YIPF5: variants seen among roughly 807,000 people sequenced by gnomAD.
The protein encoded by YIPF5 is Yip1 domain family member 5, also known as protein YIPF5.
A neutral mutation model predicts 30.4 loss-of-function variants in YIPF5; 8 were observed. The ratio of observed to expected loss-of-function variants is 0.26; its 90% CI spans 0.15 to 0.47. The LOEUF is 0.47. YIPF5 is among the 20% of genes least tolerant of loss of function. The pLI is 0.99. For missense variants in YIPF5, 282 were observed against 301.8 expected (o/e 0.93, Z 0.49); for synonymous variants, 104 against 107.9 (o/e 0.96, Z 0.23).
In YIPF5 at chr5:144,159,422, A is replaced by G; in HGVS notation, c.*975T>C. 1.0e-6 allele frequency: 1 copy of G among 985,440 alleles called. No individual in the cohort carries two copies. The highest frequency in any genetic ancestry group is 1.2e-6 in the Non-Finnish European group (1 of 829,918). 61.0% of individuals were successfully genotyped at this position (985,440 alleles called of 1,614,324 possible). On this transcript the variant is annotated 3_prime_UTR_variant, in exon 6 of 6. Coordinates refer to ENST00000274496, the MANE Select transcript of YIPF5 (RefSeq NM_030799.9). ...AATGTGGCGATCCAACGATTATAGC[A>G]TTAATGCAACCATTCCAGGTCCCTA...
rs1345249169 is a variant in YIPF5, at chr5:144,159,693, A to T, written c.*704T>A. 2.0e-6 allele frequency: 2 copies of T among 976,334 alleles called. No individual in the cohort carries two copies. The highest frequency in any genetic ancestry group is 1.8e-5 in the African/African-American group (1 of 55,084). 60.5% of individuals were successfully genotyped at this position (976,334 alleles called of 1,614,324 possible). The stretch of plus-strand genomic sequence containing the variant: ...TCCTTGGAAAAATATTTTTGCAGTA[A>T]GTCTTGTGTCTCCTTTTTTTTTTTT... On this transcript the variant is annotated 3_prime_UTR_variant, in exon 6 of 6. Transcript: ENST00000274496.
chr5:144,168,842 A>C (rs1186356380), intron 2 of YIPF5, among the ~76,000 whole-genome samples: 1 of 152,224 alleles, frequency 6.6e-6, no homozygotes, highest in Non-Finnish European at 1.5e-5. Flanking sequence ...ATCCAAACAC[A>C]TTCCTGTATT....
At chr5:144,160,643 A>G in intron 5 of YIPF5, 84 bp from the exon 6 acceptor site, 1 of 1,130,624 alleles carries the variant, frequency 8.8e-7, no homozygotes, top group Non-Finnish European at 1.2e-6. Flanking sequence ...AACCTATTCT[A>G]AAGCATTTTA....
In YIPF5 at chr5:144,158,472, T is replaced by G. The variant is rs764689080; in HGVS notation, c.*1925A>C. 19 of 1,271,826 alleles carry G rather than the reference T, an allele frequency of 1.5e-5. No individual in the cohort carries two copies. Among genetic ancestry groups the G allele is most frequent in the Non-Finnish European group, 1.9e-5 (19 of 983,396 alleles). 78.8% of individuals were successfully genotyped at this position (1,271,826 alleles called of 1,614,324 possible). A position where few individuals can be genotyped will look rare whatever the true frequency, so the allele number is the denominator to read the frequency against. On this transcript the variant is annotated 3_prime_UTR_variant, in exon 6 of 6. Transcript: ENST00000274496. The stretch of plus-strand genomic sequence containing the variant: ...AAATAATTTGATCCATATGTGATAT[T>G]TGGCTGAAGATTAACAGTGTTAAGT...
Position 144,159,127 on chromosome 5 carries a change from C to T in YIPF5, c.*1270G>A. ...CAATAAAATAATGTAACTCAAACTG[C>T]TCATTTAATCCCCTTTTTGTCTGAT... On this transcript the variant is annotated 3_prime_UTR_variant, in exon 6 of 6. Coordinates refer to ENST00000274496, the MANE Select transcript of YIPF5 (RefSeq NM_030799.9). 1.0e-6 allele frequency: 1 copy of T among 983,370 alleles called. No individual in the cohort carries two copies. Among genetic ancestry groups the T allele is most frequent in the South Asian group, 4.7e-5 (1 of 21,232 alleles). The allele number at this position is 983,370 out of a possible 1,614,324, so 60.9% of individuals were successfully genotyped here.
Position 144,159,406 on chromosome 5 carries a change from A to C in YIPF5, c.*991T>G. On this transcript the variant is annotated 3_prime_UTR_variant, in exon 6 of 6. Transcript: ENST00000274496. ...TTTATTATTTTTGGGAAATGTGGCG[A>C]TCCAACGATTATAGCATTAATGCAA... The C allele has an allele frequency of 2.0e-6, 2 of 985,418 alleles. No homozygotes were observed. The highest frequency in any genetic ancestry group is 3.5e-5 in the African/African-American group (2 of 57,362). 61.0% of individuals were successfully genotyped at this position (985,418 alleles called of 1,614,324 possible). A position where few individuals can be genotyped will look rare whatever the true frequency, so the allele number is the denominator to read the frequency against.
In YIPF5 at chr5:144,160,272, T is replaced by C; in HGVS notation, c.*125A>G. 4 of 1,495,438 alleles carry C rather than the reference T, an allele frequency of 2.7e-6. No homozygotes were observed. Among genetic ancestry groups the C allele is most frequent in the South Asian group, 1.5e-5 (1 of 68,940 alleles). 92.6% of individuals were successfully genotyped at this position (1,495,438 alleles called of 1,614,324 possible). A position where few individuals can be genotyped will look rare whatever the true frequency, so the allele number is the denominator to read the frequency against. On this transcript the variant is annotated 3_prime_UTR_variant, in exon 6 of 6. Coordinates refer to ENST00000274496, the MANE Select transcript of YIPF5 (RefSeq NM_030799.9). ...AACAAGAGATACACGTTTACTTTCA[T>C]TGCTCCAACAGTCAAATGTAAATCT...
chr5:144,168,447 G>GC (rs1248353670), intron 2 of YIPF5, among the ~76,000 whole-genome samples: 1 of 152,080 alleles, frequency 6.6e-6, no homozygotes, highest in Non-Finnish European at 1.5e-5. Context: ...GCTGCTTTAG[G>GC]CAAGGATTTA....
At position 144,161,333 on chromosome 5, in the gene YIPF5, C is replaced by CTT. The variant is rs57703406; in HGVS notation, c.612-776_612-775dup. Among the ~76,000 whole-genome samples, 27 of 64,688 alleles carry CTT rather than the reference C, an allele frequency of 4.2e-4. 2 individuals are homozygous for CTT. The highest frequency in any genetic ancestry group is 5.7e-4 in the Non-Finnish European group (21 of 37,106). The allele number at this position is 64,688 out of a possible 152,430, so 42.4% of individuals were successfully genotyped here. On this transcript the variant is annotated intron_variant, in intron 5 of 5. Transcript: ENST00000274496. ...TGGCGGTAATGTATACCTTTCCTTC[C>CTT]TTTTTTTTTTTTTTTTTTTTTTTTT...
In YIPF5 at chr5:144,160,261, G is replaced by T; in HGVS notation, c.*136C>A. 6.7e-7 allele frequency: 1 copy of T among 1,488,754 alleles called. No homozygotes were observed. Among genetic ancestry groups the T allele is most frequent in the Non-Finnish European group, 8.9e-7 (1 of 1,121,728 alleles). The allele number at this position is 1,488,754 out of a possible 1,614,324, so 92.2% of individuals were successfully genotyped here. A position where few individuals can be genotyped will look rare whatever the true frequency, so the allele number is the denominator to read the frequency against. On this transcript the variant is annotated 3_prime_UTR_variant, in exon 6 of 6. Transcript: ENST00000274496. ...CTATAAAAATGAACAAGAGATACAC[G>T]TTTACTTTCATTGCTCCAACAGTCA...
At position 144,159,285 on chromosome 5, in the gene YIPF5, G is replaced by A. The variant is rs1751958403; in HGVS notation, c.*1112C>T. 1.0e-6 allele frequency: 1 copy of A among 971,394 alleles called. No individual in the cohort carries two copies. The highest frequency in any genetic ancestry group is 1.2e-6 in the Non-Finnish European group (1 of 817,310). The allele number at this position is 971,394 out of a possible 1,614,324, so 60.2% of individuals were successfully genotyped here. A position where few individuals can be genotyped will look rare whatever the true frequency, so the allele number is the denominator to read the frequency against. ...AACACAGTTAAAATTAATTGGGAAA[G>A]TTTTAATAAGCATTCAAATGTACTT... On this transcript the variant is annotated 3_prime_UTR_variant, in exon 6 of 6. Transcript: ENST00000274496.
intron 4 of YIPF5, chr5:144,163,851 T>G (rs1231396532): frequency 3.5e-6 from 1 of 288,166 alleles, no homozygotes; most frequent in East Asian, 6.0e-5. Flanking sequence ...AAGCTATACC[T>G]GTTGTTTACT....
At chr5:144,168,870 T>C (rs995409462) in intron 2 of YIPF5, among the ~76,000 whole-genome samples, 4 of 152,226 alleles carry the variant, frequency 2.6e-5, no homozygotes, top group Admixed American at 6.5e-5. Flanking sequence ...TCTCACAAAC[T>C]GACAGATACA....
At position 144,158,594 on chromosome 5, in the gene YIPF5, CTA is replaced by C; in HGVS notation, c.*1801_*1802del. The C allele has an allele frequency of 2.7e-6, 3 of 1,096,032 alleles. No individual in the cohort carries two copies. Among genetic ancestry groups the C allele is most frequent in the Non-Finnish European group, 3.3e-6 (3 of 897,870 alleles). The allele number at this position is 1,096,032 out of a possible 1,614,324, so 67.9% of individuals were successfully genotyped here. A position where few individuals can be genotyped will look rare whatever the true frequency, so the allele number is the denominator to read the frequency against. On this transcript the variant is annotated 3_prime_UTR_variant, in exon 6 of 6. Transcript: ENST00000274496. ...GGGAAGACATTTGCCTTAACAAAAA[CTA>C]TACTGAAAAAGACAAATGAATTGAA...
At chr5:144,165,340 T>A in intron 3 of YIPF5, 92 bp downstream of exon 3, 1 of 1,491,380 alleles carries the variant, frequency 6.7e-7, no homozygotes, top group South Asian at 1.3e-5. Flanking sequence ...TTATTTTTTT[T>A]AAAGGAAAAG....
In YIPF5 at chr5:144,159,960, G is replaced by C. The variant is rs1188502050; in HGVS notation, c.*437C>G. 1 of 962,522 alleles carries C rather than the reference G, an allele frequency of 1.0e-6. No individual in the cohort carries two copies. The highest frequency in any genetic ancestry group is 1.2e-6 in the Non-Finnish European group (1 of 809,324). 59.6% of individuals were successfully genotyped at this position (962,522 alleles called of 1,614,324 possible). On this transcript the variant is annotated 3_prime_UTR_variant, in exon 6 of 6. Coordinates refer to ENST00000274496, the MANE Select transcript of YIPF5 (RefSeq NM_030799.9). ...CCTGCCCTTGTGATCCGCCCGCCTCGGCCTCCCAAAGTGCTGGGATTACAG... is the reference window on the plus strand; with the variant it reads ...CCTGCCCTTGTGATCCGCCCGCCTCCGCCTCCCAAAGTGCTGGGATTACAG...
chr5:144,161,289 C>T (rs1752032525), intron 5 of YIPF5, among the ~76,000 whole-genome samples: 2 of 149,932 alleles, frequency 1.3e-5, no homozygotes, highest in African/African-American at 4.9e-5. Flanking sequence ...TGCACACTGG[C>T]CAAGAGGAGG....
rs1369313227 is a variant in YIPF5 at position 144,158,402 on chromosome 5, TTAAAC to T, written c.*1990_*1994del. The stretch of plus-strand genomic sequence containing the variant: ...CCACAAAAAAAATCTCTACAATAAT[TTAAAC>T]TAAAAATGTTGTTGAGGATAGGGTA... On this transcript the variant is annotated 3_prime_UTR_variant, in exon 6 of 6. Transcript: ENST00000274496. 1 of 1,238,872 alleles carries T rather than the reference TTAAAC, an allele frequency of 8.1e-7. No homozygotes were observed. The highest frequency in any genetic ancestry group is 1.0e-6 in the Non-Finnish European group (1 of 960,086). The allele number at this position is 1,238,872 out of a possible 1,614,324, so 76.7% of individuals were successfully genotyped here.
At position 144,159,013 on chromosome 5, in the gene YIPF5, A is replaced by G; in HGVS notation, c.*1384T>C. The G allele has an allele frequency of 2.0e-6, 2 of 985,140 alleles. No individual in the cohort carries two copies. The highest frequency in any genetic ancestry group is 2.4e-6 in the Non-Finnish European group (2 of 829,706). The allele number at this position is 985,140 out of a possible 1,614,324, so 61.0% of individuals were successfully genotyped here. On this transcript the variant is annotated 3_prime_UTR_variant, in exon 6 of 6. Coordinates refer to ENST00000274496, the MANE Select transcript of YIPF5 (RefSeq NM_030799.9). ...AATCAGAGACAGTTTTTCTAGAAAA[A>G]GCCAATGATCAGTATACAAGATACA...
Sources: gnomAD v4.1 joint callset for allele counts (sites outside exome capture counted in the v4.1 genomes callset) on GRCh38, gnomAD v4.1.1 for gene constraint, MANE v1.5 for transcripts, NCBI Gene and HGNC (gene_info 2026-07-23, HGNC 2026-07-21) for gene names.